Variants in GOLGB1 observed in about 807,000 individuals in gnomAD.
The protein encoded by GOLGB1 is golgin subfamily B member 1.
A neutral mutation model predicts 336.9 loss-of-function variants in GOLGB1; 174 were observed. That is an observed-to-expected ratio of 0.52 (90% CI 0.46 to 0.59). The LOEUF is 0.59. Ranked by LOEUF, GOLGB1 falls within the 20% of genes least tolerant of loss-of-function variation. The pLI is 0.00. For missense variants in GOLGB1, 3,331 were observed against 3,645.3 expected, an observed-to-expected ratio of 0.91 and a Z score of 2.22; for synonymous variants, 1,208 against 1,289.2, an observed-to-expected ratio of 0.94 and a Z score of 1.35.
At chr3:121,686,064 C>T (rs1222610135) in intron 14 of GOLGB1, among the ~76,000 whole-genome samples, 2 of 152,090 alleles carry the variant, frequency 1.3e-5, no homozygotes, top group Non-Finnish European at 2.9e-5. Context: ...TCTGCACTTA[C>T]ATTAAGGGAC....
rs1392302629 is a variant in GOLGB1, at chr3:121,698,061, T to C, written c.2462A>G (p.Gln821Arg). Reference sequence around the variant, plus strand: ...AAGCTGCACATCATCCAGTTCATTCTGTAAAACTTCAATTTTCACATCTTT... The same window carrying C: ...AAGCTGCACATCATCCAGTTCATTCCGTAAAACTTCAATTTTCACATCTTT... ...KSKDVKIEVL[Q>R]NELDDVQLQF... The change falls in exon 13 of 22, where the codon CAG becomes CGG. Residue 821 changes from glutamine (Q) to arginine (R), a missense_variant. Coordinates refer to ENST00000614479, the MANE Select transcript of GOLGB1 (RefSeq NM_001366282.2). 6.2e-7 allele frequency: 1 copy of C among 1,614,120 alleles called. No homozygotes were observed. The highest frequency in any genetic ancestry group is 1.7e-5 in the Admixed American group (1 of 60,032).
At chr3:121,707,469 CA>C (rs879818248) in intron 10 of GOLGB1, among the ~76,000 whole-genome samples, 609 of 128,096 alleles carry the variant, frequency 4.8e-3, no homozygotes, top group Admixed American at 4.3e-3. Context: ...CTACTAAAAG[CA>C]AAAAAAAAAA....
Position 121,681,734 on chromosome 3 carries a change from C to T in GOLGB1, c.8826G>A (p.Glu2942=). The T allele has an allele frequency of 6.2e-7, 1 of 1,612,908 alleles. No homozygotes were observed. The highest frequency in any genetic ancestry group is 2.2e-5 in the East Asian group (1 of 44,872). ...GCCAGGAGAGGTTTTCCTGCCTGAG[C>T]TCTTCTTGCATAATCTGAAATGCTT... The part of the protein sequence containing the change: ...KTKAFQIMQE[E]LRQENLSWQH... Residue 2942 remains glutamate, a synonymous_variant, in exon 15 of 22, where the codon GAG becomes GAA. Coordinates refer to ENST00000614479, the MANE Select transcript of GOLGB1 (RefSeq NM_001366282.2).
At chr3:121,744,735 G>A (rs1015554477) in intron 1 of GOLGB1, among the ~76,000 whole-genome samples, 1 of 151,902 alleles carries the variant, frequency 6.6e-6, no homozygotes, top group African/African-American at 2.4e-5. Context: ...TTTAAGAAAG[G>A]AAAGACTAAT....
chr3:121,665,719 G>A (rs527765762), intron 20 of GOLGB1, among the ~76,000 whole-genome samples: 2 of 152,192 alleles, frequency 1.3e-5, no homozygotes, highest in Non-Finnish European at 2.9e-5. Flanking sequence ...AACACAGCAC[G>A]TTTGATCAAG....
In GOLGB1 at chr3:121,698,837, T is replaced by C. The variant is rs200108137; in HGVS notation, c.1686A>G (p.Lys562=). Residue 562 remains lysine, a synonymous_variant, in exon 13 of 22, where the codon AAA becomes AAG. Transcript: ENST00000614479. ...TTTCCAACAATAAAACTGATAATTC[T>C]TTATGTTTCTGAGAAAATGTGTTTT... The part of the protein sequence containing the change: ...VLENTFSQKH[K]ELSVLLLEMK... 1.2e-6 allele frequency: 2 copies of C among 1,612,088 alleles called. No homozygotes were observed. Among genetic ancestry groups the C allele is most frequent in the Non-Finnish European group, 1.7e-6 (2 of 1,178,662 alleles).
intron 20 of GOLGB1, among the ~76,000 whole-genome samples, chr3:121,666,200 T>C (rs1040373717): frequency 3.9e-5 from 6 of 152,218 alleles, no homozygotes; most frequent in Non-Finnish European, 8.8e-5. Context: ...TGTGAGATTC[T>C]AACATTACAA....
intron 1 of GOLGB1, among the ~76,000 whole-genome samples, chr3:121,746,171 T>C (rs973959043): frequency 2.0e-5 from 3 of 152,226 alleles, no homozygotes; most frequent in Admixed American, 6.5e-5. Context: ...TCATGCTTAT[T>C]TAGTTAAGCC....
At chr3:121,683,053 A>AATTTTTTTTTT (rs1941268559) in intron 14 of GOLGB1, among the ~76,000 whole-genome samples, 1 of 82,496 alleles carries the variant, frequency 1.2e-5, no homozygotes, top group African/African-American at 4.7e-5. Flanking sequence ...ATTTCTTTTA[A>AATTTTTTTTTT]TTTTTTTTTT....
At chr3:121,740,666 T>C (rs574603295) in intron 1 of GOLGB1, among the ~76,000 whole-genome samples, 21 of 152,298 alleles carry the variant, frequency 1.4e-4, no homozygotes, top group Non-Finnish European at 7.4e-5. Flanking sequence ...TTCCTAATAA[T>C]TTGTTTATTT....
At chr3:121,724,914 T>C (rs1208017611) in intron 5 of GOLGB1, among the ~76,000 whole-genome samples, 1 of 152,208 alleles carries the variant, frequency 6.6e-6, no homozygotes, top group Non-Finnish European at 1.5e-5. Flanking sequence ...GCCGCAGGTA[T>C]GGCTCATGTC....
At chr3:121,699,029 A>C in intron 12 of GOLGB1, 100 bp from the exon 13 acceptor site, 3 of 902,598 alleles carry the variant, frequency 3.3e-6, no homozygotes, top group Non-Finnish European at 4.9e-6. Flanking sequence ...AAAACTTCAG[A>C]CTTTTTGGTC....
chr3:121,726,930 C>A lies in GOLGB1; in HGVS notation c.514G>T (p.Ala172Ser), dbSNP rs769434883. The A allele has an allele frequency of 1.4e-5, 22 of 1,601,566 alleles. No homozygotes were observed. Among genetic ancestry groups the A allele is most frequent in the Non-Finnish European group, 1.7e-5 (20 of 1,172,856 alleles). Residue 172 changes from alanine (A) to serine (S), a missense_variant, in exon 5 of 22, where the codon GCA (alanine) becomes TCA (serine). By Grantham distance (99) the Ala-to-Ser change is moderately conservative. Transcript: ENST00000614479. ...ACCCCTACCTGTGCAGGTTGTTCTGCCTGTGCCTGAGTAAGCTGGGCTTGC... is the reference window on the plus strand; with the variant it reads ...ACCCCTACCTGTGCAGGTTGTTCTGACTGTGCCTGAGTAAGCTGGGCTTGC... ...TLQAQLTQAQ[A>S]EQPAQSSTEM... is the part of the protein sequence containing the mutation.
At chr3:121,719,893 G>T in intron 6 of GOLGB1, 125 bp from the exon 7 acceptor site, 1 of 722,036 alleles carries the variant, frequency 1.4e-6, no homozygotes, top group Non-Finnish European at 2.0e-6. Context: ...GTGAAATTTT[G>T]ATTGTCAAGG....
intron 14 of GOLGB1, among the ~76,000 whole-genome samples, chr3:121,689,648 TAAAA>T (rs60317103): frequency 7.5e-4 from 104 of 138,518 alleles, no homozygotes; most frequent in African/African-American, 2.7e-3. Context: ...AATGATCAAT[TAAAA>T]AAAAAAAAAA....
intron 1 of GOLGB1, among the ~76,000 whole-genome samples, chr3:121,733,966 T>C (rs1946299238): frequency 6.6e-6 from 1 of 152,212 alleles, no homozygotes; most frequent in Non-Finnish European, 1.5e-5. Context: ...AGAACATTTT[T>C]GTGACGCTGA....
chr3:121,737,270 T>C (rs1946536250), intron 1 of GOLGB1, among the ~76,000 whole-genome samples: 2 of 152,146 alleles, frequency 1.3e-5, no homozygotes, highest in African/African-American at 4.8e-5. Context: ...ATAGGAAAAA[T>C]CAAAATAGAA....
At position 121,719,643 on chromosome 3, in the gene GOLGB1, C is replaced by T; in HGVS notation, c.771+3G>A. ...GTCATTCTACCGAGTTTTAGCAACA[C>T]ACCTGTTGCATCTCTGTTTCCACAT... On this transcript the variant is annotated splice_donor_region_variant and intron_variant, in intron 7 of 21. Coordinates refer to ENST00000614479, the MANE Select transcript of GOLGB1 (RefSeq NM_001366282.2). The T allele has an allele frequency of 1.9e-6, 3 of 1,603,240 alleles. No individual in the cohort carries two copies. The highest frequency in any genetic ancestry group is 2.3e-5 in the East Asian group (1 of 44,200).
intron 15 of GOLGB1, among the ~76,000 whole-genome samples, chr3:121,681,230 T>TA (rs1172124104): frequency 4.6e-5 from 7 of 152,208 alleles, no homozygotes; most frequent in Admixed American, 4.6e-4. Flanking sequence ...CAAAGGGTTA[T>TA]ATACTGCAAG....
Sources: gnomAD v4.1 joint callset for allele counts (sites outside exome capture counted in the v4.1 genomes callset) on GRCh38, gnomAD v4.1.1 for gene constraint, MANE v1.5 for transcripts, NCBI Gene and HGNC (gene_info 2026-07-23, HGNC 2026-07-21) for gene names.